TNPO1: variants seen among roughly 807,000 people sequenced by gnomAD.
The protein encoded by TNPO1 is transportin 1.
Under a neutral mutation model 119.5 loss-of-function variants are expected in TNPO1, and 8 were observed. That is an observed-to-expected ratio of 0.07 (90% CI 0.04 to 0.12). TNPO1 has a LOEUF of 0.12. Ranked by LOEUF, TNPO1 falls within the 10% of genes least tolerant of loss-of-function variation. The probability of loss-of-function intolerance (pLI) is 1.00; values close to 1 mark genes in which losing one functional copy is unlikely to be tolerated. For synonymous variants in TNPO1, 362 were observed against 363.0 expected, an observed-to-expected ratio of 1.00 and a Z score of 0.03; for missense variants, 576 against 1,089.8, an observed-to-expected ratio of 0.53 and a Z score of 6.64.
chr5:72,831,519 G>A (rs1744467786), intron 1 of TNPO1, among the ~76,000 whole-genome samples: 1 of 151,836 alleles, frequency 6.6e-6, no homozygotes, highest in Non-Finnish European at 1.5e-5. Context: ...GCATTTAAAT[G>A]TCAACATGAA....
At position 72,893,380 on chromosome 5, in the gene TNPO1, A is replaced by C. The variant is rs1426135437; in HGVS notation, c.1900A>C (p.Asn634His). The C allele has an allele frequency of 4.3e-6, 7 of 1,611,594 alleles. No homozygotes were observed. In the South Asian group the frequency reaches 6.6e-5, roughly 15 times the overall value. The change falls in exon 17 of 25, where the codon AAC (asparagine) becomes CAC (histidine). Residue 634 changes from asparagine to histidine, a missense_variant. By Grantham distance (68) the Asn-to-His change is moderately conservative. Transcript: ENST00000337273. ...AAAACATTGTGTCTAATTTCAGCTA[A>C]ACAATGCTCAACCAGATCAATATGA... ...VQKTLAQAML[N>H]NAQPDQYEAP...
At chr5:72,885,798 A>G (rs1387882379) in intron 11 of TNPO1, among the ~76,000 whole-genome samples, 1 of 141,380 alleles carries the variant, frequency 7.1e-6, no homozygotes, top group African/African-American at 2.6e-5. Flanking sequence ...GTGATTAGCC[A>G]TTTACTATGC....
At chr5:72,863,953 C>T (rs1224770140) in intron 5 of TNPO1, among the ~76,000 whole-genome samples, 1 of 152,080 alleles carries the variant, frequency 6.6e-6, no homozygotes, top group Non-Finnish European at 1.5e-5. Context: ...AGCTAGTGTA[C>T]TACATAGAAG....
chr5:72,862,998 G>A (rs1050754538), intron 5 of TNPO1, among the ~76,000 whole-genome samples: 1 of 125,104 alleles, frequency 8.0e-6, no homozygotes, highest in Non-Finnish European at 1.7e-5. Context: ...GTTTTTGTGT[G>A]TGTGTGTGTG....
At chr5:72,831,102 T>C (rs1744436281) in intron 1 of TNPO1, among the ~76,000 whole-genome samples, 1 of 152,100 alleles carries the variant, frequency 6.6e-6, no homozygotes, top group South Asian at 2.1e-4. Flanking sequence ...GTACTTTAGA[T>C]TTATTTATTT....
chr5:72,890,221 TAAA>T (rs572601116), intron 14 of TNPO1, among the ~76,000 whole-genome samples: 71 of 152,318 alleles, frequency 4.7e-4, no homozygotes, highest in Admixed American at 4.2e-3. Flanking sequence ...AGCAAAGGGA[TAAA>T]AAAGTTTTTA....
At chr5:72,884,944 G>A (rs1273908974) in intron 11 of TNPO1, among the ~76,000 whole-genome samples, 1 of 152,204 alleles carries the variant, frequency 6.6e-6, no homozygotes, top group African/African-American at 2.4e-5. Context: ...CACTACTCTA[G>A]TTCAAAGTGT....
At chr5:72,873,197 ATTTT>A (rs1329139417) in intron 7 of TNPO1, among the ~76,000 whole-genome samples, 1 of 152,082 alleles carries the variant, frequency 6.6e-6, no homozygotes, top group East Asian at 1.9e-4. Context: ...CTCTTTAGGC[ATTTT>A]GAACTTTCTG....
chr5:72,847,782 A>G (rs569229573), intron 1 of TNPO1, among the ~76,000 whole-genome samples: 1 of 152,354 alleles, frequency 6.6e-6, no homozygotes, highest in Admixed American at 6.5e-5. Context: ...CGACTGCATC[A>G]ATATTTTAGA....
intron 4 of TNPO1, among the ~76,000 whole-genome samples, chr5:72,858,050 A>G (rs757437200): frequency 6.6e-6 from 1 of 152,250 alleles, no homozygotes; most frequent in Non-Finnish European, 1.5e-5. Context: ...TGTTAAGTAG[A>G]TACTTAAGTA....
chr5:72,860,779 G>A (rs114286619), intron 4 of TNPO1, among the ~76,000 whole-genome samples: 5,044 of 152,230 alleles, frequency 0.033, 286 homozygotes, highest in African/African-American at 0.11. Context: ...TCCAGATTAA[G>A]TCAGGGAGCT....
In TNPO1 at chr5:72,891,731, T is replaced by G. The variant is rs1463670671; in HGVS notation, c.1702-79T>G. 4 of 1,053,574 alleles carry G rather than the reference T, an allele frequency of 3.8e-6. No homozygotes were observed. In the East Asian group the frequency reaches 9.6e-5, roughly 25 times the overall value. The allele number at this position is 1,053,574 out of a possible 1,614,324, so 65.3% of individuals were successfully genotyped here. A position where few individuals can be genotyped will look rare whatever the true frequency, so the allele number is the denominator to read the frequency against. ...ATTTTACACAATTGCTCAAAATGGA[T>G]TTTAATTTTCAAAGACTCAAAATGG... On this transcript the variant is annotated intron_variant, in intron 14 of 24. Coordinates refer to ENST00000337273, the MANE Select transcript of TNPO1 (RefSeq NM_002270.4).
intron 1 of TNPO1, among the ~76,000 whole-genome samples, chr5:72,820,393 T>C (rs1168268438): frequency 6.6e-6 from 1 of 152,116 alleles, no homozygotes; most frequent in Non-Finnish European, 1.5e-5. Context: ...AACTTATTAA[T>C]ATAATAAATT....
At chr5:72,893,273 T>C in intron 16 of TNPO1, 27 bp downstream of exon 16, 5 of 1,609,150 alleles carry the variant, frequency 3.1e-6, no homozygotes, top group Non-Finnish European at 4.2e-6. Flanking sequence ...GTCTTCCTCT[T>C]CTTGACATGG....
chr5:72,898,999 ATG>A (rs1309421861), intron 20 of TNPO1, among the ~76,000 whole-genome samples: 3 of 152,076 alleles, frequency 2.0e-5, no homozygotes, highest in African/African-American at 7.2e-5. Context: ...ATGTATTTAC[ATG>A]TACGTACCTT....
intron 1 of TNPO1, among the ~76,000 whole-genome samples, chr5:72,820,234 A>T (rs2112155492): frequency 6.6e-6 from 1 of 152,302 alleles, no homozygotes; most frequent in Admixed American, 6.5e-5. Context: ...AGTTATAAGA[A>T]ACACTGCAAT....
At chr5:72,878,883 G>T in intron 9 of TNPO1, 2 of 502,844 alleles carry the variant, frequency 4.0e-6, no homozygotes, top group South Asian at 1.5e-5. Context: ...TCCTTGAGGG[G>T]TACAGCATCA....
At chr5:72,839,638 A>G (rs930590880) in intron 1 of TNPO1, among the ~76,000 whole-genome samples, 7 of 152,212 alleles carry the variant, frequency 4.6e-5, no homozygotes, top group Admixed American at 3.3e-4. Flanking sequence ...TGTTTCCCAT[A>G]TTAATCGGTG....
intron 1 of TNPO1, among the ~76,000 whole-genome samples, chr5:72,824,964 C>T (rs1455323710): frequency 6.6e-6 from 1 of 152,208 alleles, no homozygotes; most frequent in Non-Finnish European, 1.5e-5. Context: ...GTGGCAACTC[C>T]GTCCTCCTGT....
Sources: allele counts gnomAD v4.1 joint callset (sites outside exome capture counted in the v4.1 genomes callset), GRCh38; gene constraint gnomAD v4.1.1; transcripts MANE v1.5; gene names NCBI Gene and HGNC (gene_info 2026-07-23, HGNC 2026-07-21).